The following BAZ2A variants were observed in gnomAD, a reference collection of about 807,000 sequenced individuals.
The protein encoded by BAZ2A is bromodomain adjacent to zinc finger domain protein 2A.
Under a neutral mutation model 199.9 loss-of-function variants are expected in BAZ2A, and 34 were observed. The observed-to-expected ratio is 0.17, with a 90% CI of 0.13 to 0.23. The LOEUF (loss-of-function observed/expected upper bound fraction) is 0.23, where lower values mean the gene tolerates loss of function less well. Ranked by LOEUF, BAZ2A falls within the 10% of genes least tolerant of loss-of-function variation. The pLI, the probability that BAZ2A is intolerant of heterozygous loss-of-function variation, is 1.00. For synonymous variants in BAZ2A, 857 were observed against 883.9 expected (o/e 0.97, Z 0.54); for missense variants, 2,002 against 2,391.1 (o/e 0.84, Z 3.39).
chr12:56,636,320 T>C (rs1206937787), exon 1 of BAZ2A: 5 of 1,479,534 alleles, frequency 3.4e-6, no homozygotes, highest in South Asian at 1.3e-5. Flanking sequence ...AGCCAGTGTA[T>C]GCTTCCTGCG....
upstream of BAZ2A, among the ~76,000 whole-genome samples, chr12:56,633,812 G>C (rs1481694450): frequency 1.3e-5 from 2 of 152,076 alleles, no homozygotes; most frequent in African/African-American, 4.8e-5. Flanking sequence ...ATCTCAGCTC[G>C]CTGCAACCTA....
chr12:56,611,870 T>C lies in BAZ2A; in HGVS notation c.1512A>G (p.Pro504=), dbSNP rs1344825554. The stretch of plus-strand genomic sequence containing the variant: ...CATCCTTATTTGCTGGGGAGGCTGT[T>C]GGAAAGGCAGCTGCTGGGGAAGTTA... ...SPVTSPAAAF[P]TASPANKDVS... is the part of the protein sequence containing the mutation. The change falls in exon 6 of 29, where the codon CCA becomes CCG. Residue 504 remains proline, a synonymous_variant. Coordinates refer to ENST00000549884, the MANE Select transcript of BAZ2A (RefSeq NM_001300905.2). 6.2e-7 allele frequency: 1 copy of C among 1,602,982 alleles called. No homozygotes were observed. The highest frequency in any genetic ancestry group is 8.5e-7 in the Non-Finnish European group (1 of 1,173,516).
Position 56,601,030 on chromosome 12 carries a change from G to T in BAZ2A, c.4363C>A (p.Pro1455Thr). ...MLDAMLKALH[P>T]RGIREKALHK... is the part of the protein sequence containing the mutation. ...AGTGCCTTCTCCCGGATACCTCGGG[G>T]GTGTAGGGCCTTGAGCATGGCATCC... Residue 1455 changes from proline (P) to threonine (T), a missense_variant, in exon 22 of 29, where the codon CCC (proline) becomes ACC (threonine). Coordinates refer to ENST00000549884, the MANE Select transcript of BAZ2A (RefSeq NM_001300905.2). The T allele has an allele frequency of 6.2e-7, 1 of 1,610,630 alleles. No individual in the cohort carries two copies. Among genetic ancestry groups the T allele is most frequent in the South Asian group, 1.1e-5 (1 of 90,672 alleles).
Position 56,600,923 on chromosome 12 carries a change from G to T in BAZ2A, c.4450+20C>A. 2 of 1,613,246 alleles carry T rather than the reference G, an allele frequency of 1.2e-6. No homozygotes were observed. The highest frequency in any genetic ancestry group is 1.7e-6 in the Non-Finnish European group (2 of 1,179,474). On this transcript the variant is annotated intron_variant, in intron 22 of 28. Coordinates refer to ENST00000549884, the MANE Select transcript of BAZ2A (RefSeq NM_001300905.2). ...TATCCTGGGCTCTTCAGCTCAAGCTGGGTGTAGGAATGTATTTACCAGCTG... is the reference window on the plus strand; with the variant it reads ...TATCCTGGGCTCTTCAGCTCAAGCTTGGTGTAGGAATGTATTTACCAGCTG...
In BAZ2A at chr12:56,598,791, G is replaced by C. The variant is rs1183845536; in HGVS notation, c.5547-8C>G. The C allele has an allele frequency of 6.2e-7, 1 of 1,611,126 alleles. No individual in the cohort carries two copies. The highest frequency in any genetic ancestry group is 1.3e-5 in the African/African-American group (1 of 74,990). ...TCCTCTGAGCTGGTGTACCTGGACAGGGCAGGGGCAAAACTGTGAGCTGGG... is the reference window on the plus strand; with the variant it reads ...TCCTCTGAGCTGGTGTACCTGGACACGGCAGGGGCAAAACTGTGAGCTGGG... On this transcript the variant is annotated splice_polypyrimidine_tract_variant and splice_region_variant and intron_variant, in intron 28 of 28. Coordinates refer to ENST00000549884, the MANE Select transcript of BAZ2A (RefSeq NM_001300905.2).
chr12:56,598,583 G>A lies in BAZ2A; in HGVS notation c.*35C>T, dbSNP rs541291566. On this transcript the variant is annotated 3_prime_UTR_variant, in exon 29 of 29. Coordinates refer to ENST00000549884, the MANE Select transcript of BAZ2A (RefSeq NM_001300905.2). ...CAGGTTTTTGTTTGGAAGGTGGGGGGAGATGCCACAAGGTGACTCCCCACC... is the reference window on the plus strand; with the variant it reads ...CAGGTTTTTGTTTGGAAGGTGGGGGAAGATGCCACAAGGTGACTCCCCACC... 4.4e-6 allele frequency: 7 copies of A among 1,601,256 alleles called. No homozygotes were observed. In the East Asian group the frequency reaches 1.1e-4, roughly 26 times the overall value.
At chr12:56,613,838 C>G in intron 4 of BAZ2A, 115 bp downstream of exon 4, 1 of 1,165,378 alleles carries the variant, frequency 8.6e-7, no homozygotes, top group Middle Eastern at 3.0e-4. Flanking sequence ...TTAGGCCTAC[C>G]TGGAAGCCCC....
At position 56,615,508 on chromosome 12, in the gene BAZ2A, T is replaced by C. The variant is rs757839521; in HGVS notation, c.236A>G (p.His79Arg). ...GTAGGCCACGCTGGGGTGATGGAGG[T>C]GTGAGGTGCTGGAGGAGTGGGGAGC... ...NSAPHSSSTSHLHHPSVAYDC... is the reference protein window; with the variant it reads ...NSAPHSSSTSRLHHPSVAYDC... Residue 79 changes from histidine (H) to arginine (R), a missense_variant, in exon 3 of 29, where the codon CAC (histidine) becomes CGC (arginine). Transcript: ENST00000549884. 4.3e-6 allele frequency: 7 copies of C among 1,612,494 alleles called. No individual in the cohort carries two copies. The highest frequency in any genetic ancestry group is 5.9e-6 in the Non-Finnish European group (7 of 1,179,654).
At chr12:56,615,715 A>C in intron 2 of BAZ2A, 108 bp from the exon 3 acceptor site, 1 of 915,234 alleles carries the variant, frequency 1.1e-6, no homozygotes, top group Non-Finnish European at 1.6e-6. Flanking sequence ...GGTAAAGGGA[A>C]GGGGGATTCC....
intron 25 of BAZ2A, 22 bp from the exon 26 acceptor site, chr12:56,599,870 G>A: frequency 6.2e-7 from 1 of 1,613,800 alleles, no homozygotes; most frequent in Non-Finnish European, 8.5e-7. Flanking sequence ...TTGTGAGGAG[G>A]CAGAATGAGC....
chr12:56,636,479 A>G (rs530585167), upstream of BAZ2A: 2 of 921,170 alleles, frequency 2.2e-6, no homozygotes, highest in Admixed American at 7.1e-5. Flanking sequence ...GGAAGGTTAG[A>G]GAGCTGTGTT....
At position 56,601,700 on chromosome 12, in the gene BAZ2A, G is replaced by T; in HGVS notation, c.3917C>A (p.Pro1306Gln). The T allele has an allele frequency of 6.2e-7, 1 of 1,613,978 alleles. No individual in the cohort carries two copies. Among genetic ancestry groups the T allele is most frequent in the Non-Finnish European group, 8.5e-7 (1 of 1,179,878 alleles). ...GCTGGATTCTGCCTCATCAGGCTCTGGCTCCTCCGGGGGTTGTGATGGAGC... is the reference window on the plus strand; with the variant it reads ...GCTGGATTCTGCCTCATCAGGCTCTTGCTCCTCCGGGGGTTGTGATGGAGC... The part of the protein sequence containing the change: ...DPAPSQPPEE[P>Q]EPDEAESSPD... Residue 1306 changes from proline (P) to glutamine (Q), a missense_variant, in exon 20 of 29, where the codon CCA becomes CAA. By Grantham distance (76) the Pro-to-Gln change is moderately conservative. Around this residue, in one of 6 missense-constraint regions of BAZ2A, gnomAD observed 1,081 missense variants for 1,274.7 expected, o/e 0.85. Transcript: ENST00000549884.
At chr12:56,619,661 C>A (rs1007065435) in intron 1 of BAZ2A, among the ~76,000 whole-genome samples, 2 of 151,976 alleles carry the variant, frequency 1.3e-5, no homozygotes, top group Non-Finnish European at 2.9e-5. Flanking sequence ...TATATAAACC[C>A]TGCATAGTAT....
At position 56,635,932 on chromosome 12, in the gene BAZ2A, G is replaced by A. The variant is rs1429138107; in HGVS notation, c.4+250C>T. On this transcript the variant is annotated intron_variant, in intron 1 of 29. Coordinates refer to the BAZ2A transcript ENST00000379441. This position sits in a 1 kb window ranked among gnomAD's most constrained non-coding sequence, Gnocchi z 4.1. ...AGGGGCAATCCTCCACGGGGCGGCG[G>A]GGAGGGGGCTGGGAAAGCCCTGGCC... Among the ~76,000 whole-genome samples, 1 of 152,174 alleles carries A rather than the reference G, an allele frequency of 6.6e-6. No homozygotes were observed. Among genetic ancestry groups the A allele is most frequent in the African/African-American group, 2.4e-5 (1 of 41,428 alleles).
intron 15 of BAZ2A, 116 bp downstream of exon 15, chr12:56,604,469 C>T: frequency 1.5e-6 from 2 of 1,352,270 alleles, no homozygotes; most frequent in Admixed American, 4.6e-5. Flanking sequence ...GTCATTCCAG[C>T]ATCTTCAGAA....
At chr12:56,611,440 A>AT (rs1950554312) in intron 7 of BAZ2A, 133 bp downstream of exon 7, 4 of 859,874 alleles carry the variant, frequency 4.7e-6, no homozygotes, top group Non-Finnish European at 7.5e-6. Context: ...ATCACTGCAG[A>AT]TAACTGTCCT....
At chr12:56,605,575 C>T (rs1391008411) in intron 13 of BAZ2A, 11 of 609,980 alleles carry the variant, frequency 1.8e-5, no homozygotes, top group Admixed American at 3.3e-5. Context: ...GTACATGCCA[C>T]CACACCCAGC....
upstream of BAZ2A, among the ~76,000 whole-genome samples, chr12:56,634,326 C>G (rs1565843574): frequency 6.6e-6 from 1 of 152,138 alleles, no homozygotes; most frequent in African/African-American, 2.4e-5. Flanking sequence ...CTCCCAGGTT[C>G]TGGGGGAGGG....
intron 2 of BAZ2A, among the ~76,000 whole-genome samples, chr12:56,616,525 T>C (rs1052456267): frequency 6.6e-6 from 1 of 151,666 alleles, no homozygotes; most frequent in South Asian, 2.1e-4. Context: ...GCTGGCGGGG[T>C]AGGGGGGGCA....
Sources: allele counts gnomAD v4.1 joint callset (sites outside exome capture counted in the v4.1 genomes callset), GRCh38; gene constraint gnomAD v4.1.1; regional missense constraint gnomAD v4.1.1; non-coding constraint Gnocchi (gnomAD v3.1); transcripts MANE v1.5; gene names NCBI Gene and HGNC (gene_info 2026-07-23, HGNC 2026-07-21).